Variants in MECOM observed in about 807,000 individuals in gnomAD.
The protein encoded by MECOM is MDS1 and EVI1 complex locus.
Under a neutral mutation model 116.3 loss-of-function variants are expected in MECOM, and 13 were observed. The ratio of observed to expected loss-of-function variants is 0.11; its 90% confidence interval spans 0.07 to 0.18. The LOEUF is 0.18. MECOM is among the 10% of genes least tolerant of loss of function. The probability of loss-of-function intolerance (pLI) is 1.00; values close to 1 mark genes in which losing one functional copy is unlikely to be tolerated. For missense variants in MECOM, 1,299 were observed against 1,509.0 expected, an observed-to-expected ratio of 0.86 and a Z score of 2.31; for synonymous variants, 528 against 535.2, an observed-to-expected ratio of 0.99 and a Z score of 0.19.
chr3:169,299,999 C>T (rs1716405314), intron 2 of MECOM, among the ~76,000 whole-genome samples: 1 of 152,182 alleles, frequency 6.6e-6, no homozygotes. Flanking sequence ...CTGAGACAGC[C>T]ACGAGTCCCT....
Position 169,611,271 on chromosome 3 carries a change from G to GTC in MECOM, c.37+52063_37+52064dup, listed in dbSNP as rs1335378329. Among the ~76,000 whole-genome samples, 15 of 152,176 alleles carry GTC rather than the reference G, an allele frequency of 9.9e-5. No individual in the cohort carries two copies. Among genetic ancestry groups the GTC allele is most frequent in the African/African-American group, 3.6e-4 (15 of 41,432 alleles). Reference sequence around the variant, plus strand: ...AGATAGTGCCTCGGGCACTGCCACTGTCTCTTCCAATGCAATTTGTACATT... The same window carrying GTC: ...AGATAGTGCCTCGGGCACTGCCACTGTCTCTCTTCCAATGCAATTTGTACATT... On this transcript the variant is annotated intron_variant, in intron 1 of 16. Coordinates refer to ENST00000651503, the MANE Select transcript of MECOM (RefSeq NM_004991.4). The surrounding 1 kb of genome is among the most constrained non-coding windows in gnomAD (Gnocchi z 4.1).
At chr3:169,101,103 C>T in intron 11 of MECOM, 141 bp from the exon 12 acceptor site, 1 of 451,512 alleles carries the variant, frequency 2.2e-6, no homozygotes, top group Non-Finnish European at 3.9e-6. Context: ...AAATTTACAA[C>T]AAAGCCATTT....
intron 1 of MECOM, among the ~76,000 whole-genome samples, chr3:169,486,545 G>C (rs748966114): frequency 6.6e-6 from 1 of 151,974 alleles, no homozygotes; most frequent in Non-Finnish European, 1.5e-5. Context: ...AGGGAATGAA[G>C]AAGAAAATGA....
chr3:169,526,567 T>G (rs531822855), intron 1 of MECOM, among the ~76,000 whole-genome samples: 14 of 152,198 alleles, frequency 9.2e-5, no homozygotes, highest in Non-Finnish European at 1.5e-4. Flanking sequence ...CAGAACACAT[T>G]TTGACCTTCT....
chr3:169,661,727 G>A lies in MECOM; in HGVS notation c.37+1609C>T, dbSNP rs575666980. Among the ~76,000 whole-genome samples, 19 of 152,340 alleles carry A rather than the reference G, an allele frequency of 1.2e-4. No individual in the cohort carries two copies. In the South Asian group the frequency reaches 3.7e-3, roughly 30 times the overall value. ...GCCGCCGACTTCCCGGGCTGCTGCAGGGACGCAGTGAGCAAGGAGGCGTGG... is the reference window on the plus strand; with the variant it reads ...GCCGCCGACTTCCCGGGCTGCTGCAAGGACGCAGTGAGCAAGGAGGCGTGG... On this transcript the variant is annotated intron_variant, in intron 1 of 16. Transcript: ENST00000651503.
chr3:169,161,091 T>A (rs551699767), intron 2 of MECOM, among the ~76,000 whole-genome samples: 1 of 152,368 alleles, frequency 6.6e-6, no homozygotes, highest in East Asian at 1.9e-4. Context: ...ATCTTCTATA[T>A]CCTGGCACAT....
At position 169,649,443 on chromosome 3, in the gene MECOM, T is replaced by C. The variant is rs1239933558; in HGVS notation, c.37+13893A>G. 1.4e-4 allele frequency among the ~76,000 whole-genome samples: 14 copies of C among 100,930 alleles called. No individual in the cohort carries two copies. The Admixed American group carries it at 1.4e-3, about 10-fold the overall frequency. The allele number at this position is 100,930 out of a possible 152,430, so 66.2% of individuals were successfully genotyped here. On this transcript the variant is annotated intron_variant, in intron 1 of 16. Coordinates refer to ENST00000651503, the MANE Select transcript of MECOM (RefSeq NM_004991.4). ...AAAAAAAAAAAATAGGAAAACAAAA[T>C]ATCTGGAGAAGAGACAGGCTTAGGA...
At chr3:169,650,558 C>G (rs1774766954) in intron 1 of MECOM, among the ~76,000 whole-genome samples, 1 of 152,058 alleles carries the variant, frequency 6.6e-6, no homozygotes, top group African/African-American at 2.4e-5. Flanking sequence ...ATCCTGTAAG[C>G]TTGAAATAGC....
chr3:169,446,753 C>T (rs960505536), intron 1 of MECOM, among the ~76,000 whole-genome samples: 2 of 152,272 alleles, frequency 1.3e-5, no homozygotes, highest in Middle Eastern at 3.4e-3. Flanking sequence ...ACTGAGAGAG[C>T]TTCTCATGAT....
rs896531525 is a variant in MECOM at position 169,176,084 on chromosome 3, A to G, written c.376-32252T>C. 3.7e-5 allele frequency among the ~76,000 whole-genome samples: 5 copies of G among 136,314 alleles called. No homozygotes were observed. The Admixed American group carries it at 3.8e-4, about 10-fold the overall frequency. 89.4% of individuals were successfully genotyped at this position (136,314 alleles called of 152,430 possible). A position where few individuals can be genotyped will look rare whatever the true frequency, so the allele number is the denominator to read the frequency against. The stretch of plus-strand genomic sequence containing the variant: ...TTATCTTGGGCCACACATAAAATAC[A>G]CTAACACTAATGATAGCTGATGAGA... On this transcript the variant is annotated intron_variant, in intron 2 of 16. Coordinates refer to ENST00000651503, the MANE Select transcript of MECOM (RefSeq NM_004991.4).
chr3:169,658,503 C>T (rs906640390), intron 1 of MECOM, among the ~76,000 whole-genome samples: 73 of 152,320 alleles, frequency 4.8e-4, no homozygotes, highest in Non-Finnish European at 1.9e-4. Context: ...CAATGTAAAC[C>T]CAGCTCCGAG....
At chr3:169,200,963 A>G (rs1400197360) in intron 2 of MECOM, among the ~76,000 whole-genome samples, 5 of 152,014 alleles carry the variant, frequency 3.3e-5, no homozygotes, top group Admixed American at 2.6e-4. Context: ...AGACTCCCCT[A>G]TCTAACCTTA....
Position 169,529,374 on chromosome 3 carries a change from C to T in MECOM, c.37+133962G>A, listed in dbSNP as rs186116620. 1.8e-4 allele frequency among the ~76,000 whole-genome samples: 27 copies of T among 152,338 alleles called. 1 individual carries two copies. The highest frequency in any genetic ancestry group is 7.4e-5 in the Non-Finnish European group (5 of 68,026). Reference sequence around the variant, plus strand: ...ATCAACAATTTGATTGAGGGACCTTCCCCTATTCTTCCAGAGCAAACTGCA... The same window carrying T: ...ATCAACAATTTGATTGAGGGACCTTTCCCTATTCTTCCAGAGCAAACTGCA... On this transcript the variant is annotated intron_variant, in intron 1 of 16. Coordinates refer to ENST00000651503, the MANE Select transcript of MECOM (RefSeq NM_004991.4).
At chr3:169,473,548 A>G (rs1388719743) in intron 1 of MECOM, among the ~76,000 whole-genome samples, 1 of 152,176 alleles carries the variant, frequency 6.6e-6, no homozygotes, top group Non-Finnish European at 1.5e-5. Flanking sequence ...AGGTGGGTGG[A>G]TCATGAGGTC....
At chr3:169,156,979 CAAA>C (rs951599003) in intron 2 of MECOM, among the ~76,000 whole-genome samples, 6 of 152,100 alleles carry the variant, frequency 3.9e-5, no homozygotes, top group Non-Finnish European at 5.9e-5. Context: ...AGATGGCATA[CAAA>C]ATTACAGGAA....
chr3:169,438,137 C>A (rs1742997863), intron 1 of MECOM, among the ~76,000 whole-genome samples: 1 of 152,170 alleles, frequency 6.6e-6, no homozygotes, highest in African/African-American at 2.4e-5. Flanking sequence ...AATTCAAACC[C>A]TGATTGTCTA....
chr3:169,378,386 C>CAAGA (rs1195791276), intron 2 of MECOM, among the ~76,000 whole-genome samples: 2,292 of 59,228 alleles, frequency 0.039, 305 homozygotes, highest in Middle Eastern at 0.069. Context: ...GGAAGGAAGA[C>CAAGA]AAGAAAGAAA....
At chr3:169,164,548 G>C (rs1743282568) in intron 2 of MECOM, among the ~76,000 whole-genome samples, 2 of 152,094 alleles carry the variant, frequency 1.3e-5, no homozygotes, top group South Asian at 4.2e-4. Flanking sequence ...GTAAAATTTT[G>C]ATCTACTAAG....
chr3:169,494,262 G>A (rs1753542730), intron 1 of MECOM, among the ~76,000 whole-genome samples: 1 of 151,978 alleles, frequency 6.6e-6, no homozygotes, highest in Non-Finnish European at 1.5e-5. Context: ...ATAAATTTTT[G>A]AGAGGGAATA....
Sources: allele counts gnomAD v4.1 joint callset (sites outside exome capture counted in the v4.1 genomes callset), GRCh38; gene constraint gnomAD v4.1.1; non-coding constraint Gnocchi (gnomAD v3.1); transcripts MANE v1.5; gene names NCBI Gene and HGNC (gene_info 2026-07-23, HGNC 2026-07-21).